The following NUDT16L1 variants were observed in gnomAD, a reference collection of about 807,000 sequenced individuals.
The protein encoded by NUDT16L1 is tudor-interacting repair regulator protein.
Under a neutral mutation model 17.3 loss-of-function variants are expected in NUDT16L1, and 19 were observed. The observed-to-expected ratio is 1.10, with a 90% CI of 0.77 to 1.61. The LOEUF is 1.61. Ranked by LOEUF, NUDT16L1 falls within the 40% of genes most tolerant of loss-of-function variation. The pLI, the probability that NUDT16L1 is intolerant of heterozygous loss-of-function variation, is 0.00. For synonymous variants in NUDT16L1, 255 were observed against 138.6 expected, an observed-to-expected ratio of 1.84 and a Z score of -5.90; for missense variants, 341 against 292.0, an observed-to-expected ratio of 1.17 and a Z score of -1.22.
intron 2 of NUDT16L1, chr16:4,694,691 A>C: frequency 8.2e-7 from 1 of 1,221,190 alleles, no homozygotes; most frequent in Non-Finnish European, 1.0e-6. Flanking sequence ...GGACGGGGGG[A>C]GCATGGGGTG....
At chr16:4,695,265 C>T in exon 3 of NUDT16L1, 41 of 1,379,392 alleles carry the variant, frequency 3.0e-5, no homozygotes, top group Non-Finnish European at 4.0e-5. Flanking sequence ...TTTGTGTGTA[C>T]CCCGCTTCTG....
At chr16:4,695,232 T>C in exon 3 of NUDT16L1, 1 of 1,564,594 alleles carries the variant, frequency 6.4e-7, no homozygotes, top group Non-Finnish European at 8.7e-7. Context: ...TGGGAATTCC[T>C]GCTAAGTGTG....
chr16:4,694,891 G>A, intron 2 of NUDT16L1, 67 bp from the exon 3 acceptor site: 4 of 1,535,340 alleles, frequency 2.6e-6, no homozygotes, highest in Middle Eastern at 3.6e-4. Context: ...TAGCTTCCAG[G>A]CCCCTCCTGC....
rs772186686 is a variant in NUDT16L1, at chr16:4,693,700, A to C, written c.-27A>C. On this transcript the variant is annotated 5_prime_UTR_variant, in exon 1 of 3. Transcript: ENST00000304301. ...GGGCTCGCGCATGCTCTTAAGTGGC[A>C]GCGGCGGGGACGGGGTCAGTGCCAA... is the stretch of plus-strand genomic sequence containing the variant. The C allele has an allele frequency of 6.8e-6, 10 of 1,472,896 alleles. No homozygotes were observed. The African/African-American group carries it at 1.5e-4, about 22-fold the overall frequency. The allele number at this position is 1,472,896 out of a possible 1,614,324, so 91.2% of individuals were successfully genotyped here.
chr16:4,694,688 G>A, intron 2 of NUDT16L1: 1 of 1,425,232 alleles, frequency 7.0e-7, no homozygotes, highest in Non-Finnish European at 9.1e-7. Context: ...GGTGGACGGG[G>A]GGAGCATGGG....
At position 4,694,397 on chromosome 16, in the gene NUDT16L1, G is replaced by C; in HGVS notation, c.414+159G>C. 2.7e-6 allele frequency: 4 copies of C among 1,475,918 alleles called. No individual in the cohort carries two copies. The South Asian group carries it at 5.1e-5, about 19-fold the overall frequency. 91.4% of individuals were successfully genotyped at this position (1,475,918 alleles called of 1,614,324 possible). A position where few individuals can be genotyped will look rare whatever the true frequency, so the allele number is the denominator to read the frequency against. On this transcript the variant is annotated intron_variant, in intron 2 of 2. Transcript: ENST00000304301. ...GGTGGGGAGAGGGGTCTGGGGCTGGGAGGCCGGGAAAGGAGGGGCGGGGGT... is the reference window on the plus strand; with the variant it reads ...GGTGGGGAGAGGGGTCTGGGGCTGGCAGGCCGGGAAAGGAGGGGCGGGGGT...
At chr16:4,693,825 C>T (rs754438501) in exon 1 of NUDT16L1, 23 of 1,570,330 alleles carry the variant, frequency 1.5e-5, no homozygotes, top group Middle Eastern at 3.4e-4. Context: ...CCATGCTGTA[C>T]GCCGCCAACC....
At chr16:4,695,598 C>T (rs554634821) in exon 3 of NUDT16L1, 45 of 432,916 alleles carry the variant, frequency 1.0e-4, no homozygotes, top group African/African-American at 8.2e-4. Context: ...CTGCCTCCTT[C>T]CTGAGCCAGT....
In NUDT16L1 at chr16:4,693,967, C is replaced by T. The variant is rs757059065; in HGVS notation, c.154-11C>T. 3.4e-5 allele frequency: 53 copies of T among 1,551,826 alleles called. No individual in the cohort carries two copies. In the South Asian group the frequency reaches 6.3e-4, roughly 18 times the overall value. On this transcript the variant is annotated splice_polypyrimidine_tract_variant and intron_variant, in intron 1 of 2. Coordinates refer to ENST00000304301, the Ensembl canonical transcript of NUDT16L1. ...GTCGACCCCGCGGCTGTGACCCGCGCTCCCTTGCAGATGCAGATGCGTTTC... is the reference window on the plus strand; with the variant it reads ...GTCGACCCCGCGGCTGTGACCCGCGTTCCCTTGCAGATGCAGATGCGTTTC...
chr16:4,695,635 G>A (rs1312202342), exon 3 of NUDT16L1: 9 of 417,148 alleles, frequency 2.2e-5, no homozygotes, highest in South Asian at 9.4e-5. Flanking sequence ...AGCCAGCTTG[G>A]GGTAGGAAGT....
exon 3 of NUDT16L1, chr16:4,695,682 C>CTT (rs1481130141): frequency 1.2e-5 from 5 of 404,658 alleles, no homozygotes; most frequent in Non-Finnish European, 2.2e-5. Context: ...GTTGGATTTA[C>CTT]TTTGCTAGAT....
intron 2 of NUDT16L1, 30 bp from the exon 3 acceptor site, chr16:4,694,928 G>T: frequency 1.3e-6 from 2 of 1,583,362 alleles, no homozygotes; most frequent in South Asian, 2.3e-5. Flanking sequence ...TGGCAGGCCT[G>T]GCCCCAACCC....
chr16:4,695,000 C>G (rs770053173), exon 3 of NUDT16L1: 17 of 1,612,126 alleles, frequency 1.1e-5, no homozygotes, highest in Non-Finnish European at 9.3e-6. Context: ...CCAGAAGGAC[C>G]GAGTCGGAGG....
chr16:4,694,186 A>G, exon 2 of NUDT16L1: 1 of 1,573,386 alleles, frequency 6.4e-7, no homozygotes, highest in South Asian at 1.1e-5. Flanking sequence ...ACGCTGGAGC[A>G]GCTGCACGCC....
exon 2 of NUDT16L1, chr16:4,694,083 G>C: frequency 6.3e-7 from 1 of 1,591,434 alleles, no homozygotes; most frequent in East Asian, 2.3e-5. Context: ...CCTGGGCCTG[G>C]GCTGCCTGCG....
chr16:4,695,203 C>T (rs2079517067), exon 3 of NUDT16L1: 1 of 1,604,870 alleles, frequency 6.2e-7, no homozygotes, highest in Admixed American at 1.7e-5. Flanking sequence ...TGGTGGCACC[C>T]TCCCCTGGGC....
chr16:4,695,810 C>G (rs151322941), exon 3 of NUDT16L1: 32 of 384,992 alleles, frequency 8.3e-5, no homozygotes, highest in Middle Eastern at 6.6e-4. Flanking sequence ...ACGAAGCTGT[C>G]GAAGGAGAAG....
exon 2 of NUDT16L1, chr16:4,694,078 G>A: frequency 1.3e-6 from 2 of 1,591,064 alleles, no homozygotes; most frequent in Non-Finnish European, 1.7e-6. Flanking sequence ...CTGGGCCTGG[G>A]CCTGGGCTGC....
At chr16:4,693,741 G>C in exon 1 of NUDT16L1, 3 of 1,542,474 alleles carry the variant, frequency 1.9e-6, no homozygotes, top group Non-Finnish European at 2.6e-6. Flanking sequence ...CGACGGCGGC[G>C]GTTCCGGAGC....
Sources: gnomAD v4.1 joint callset for allele counts on GRCh38, gnomAD v4.1.1 for gene constraint, MANE v1.5 for transcripts, NCBI Gene and HGNC (gene_info 2026-07-23, HGNC 2026-07-21) for gene names.